The following AIRIM variants were observed in gnomAD, a reference collection of about 807,000 sequenced individuals.
AIRIM encodes AFG2 interacting ribosome maturation factor.
the AIRIM span, among the ~76,000 whole-genome samples, chr1:37,686,692 C>A: frequency 6.6e-6 from 1 of 152,104 alleles, no homozygotes; most frequent in African/African-American, 2.4e-5. Context: ...TGCCAAATGT[C>A]CCCTCATAGA....
chr1:37,689,936 C>A, the AIRIM span: 3 of 1,493,338 alleles, frequency 2.0e-6, no homozygotes, highest in South Asian at 4.0e-5. Context: ...CCAAGTCAGT[C>A]GGGGAGGCAC....
the AIRIM span, chr1:37,686,321 G>A: frequency 6.2e-7 from 1 of 1,613,950 alleles, no homozygotes; most frequent in Non-Finnish European, 8.5e-7. Context: ...CAACATGTCA[G>A]CCACAGAGGG....
At chr1:37,686,598 C>T in the AIRIM span, 7 of 757,518 alleles carry the variant, frequency 9.2e-6, 1 homozygote, top group East Asian at 1.1e-4. Context: ...TAGGAGCATG[C>T]CTGGCCCCTA....
At chr1:37,683,891 A>T in the AIRIM span, 1 of 163,570 alleles carries the variant, frequency 6.1e-6, no homozygotes, top group Non-Finnish European at 1.3e-5. Flanking sequence ...CATGGAGAGC[A>T]GTCAGAAAGG....
the AIRIM span, chr1:37,683,827 C>A: frequency 4.2e-5 from 7 of 166,966 alleles, no homozygotes; most frequent in Non-Finnish European, 9.0e-5. Flanking sequence ...GGTGGAGATG[C>A]ATAGAATGAA....
chr1:37,685,670 G>C, the AIRIM span, among the ~76,000 whole-genome samples: 1 of 152,262 alleles, frequency 6.6e-6, no homozygotes, highest in Non-Finnish European at 1.5e-5. Flanking sequence ...TTACAGGTGT[G>C]AGCCACCACG....
the AIRIM span, chr1:37,689,810 T>C: frequency 6.2e-7 from 1 of 1,610,382 alleles, no homozygotes; most frequent in Non-Finnish European, 8.5e-7. Flanking sequence ...CAGGCCCTGC[T>C]GCTCCTCCAC....
the AIRIM span, chr1:37,690,402 G>A: frequency 3.2e-5 from 41 of 1,284,612 alleles, no homozygotes; most frequent in Non-Finnish European, 3.9e-5. Flanking sequence ...CTGACATACA[G>A]TCCTGTCTCC....
At chr1:37,692,225 G>GT in the AIRIM span, 1 of 197,938 alleles carries the variant, frequency 5.1e-6, no homozygotes, top group South Asian at 7.7e-5. Flanking sequence ...AGAGCTTGGG[G>GT]TATTGCAGAG....
chr1:37,690,777 T>G, the AIRIM span, among the ~76,000 whole-genome samples: 1 of 152,206 alleles, frequency 6.6e-6, no homozygotes, highest in Non-Finnish European at 1.5e-5. Context: ...TGGAGTCTTT[T>G]CCTCTTATCT....
chr1:37,682,457 T>C, the AIRIM span: 1 of 152,526 alleles, frequency 6.6e-6, no homozygotes, highest in Non-Finnish European at 1.5e-5. Flanking sequence ...CTCCTGTCAT[T>C]TTAGGAGTCT....
chr1:37,683,106 A>C, the AIRIM span: 2 of 1,610,886 alleles, frequency 1.2e-6, no homozygotes, highest in Non-Finnish European at 8.5e-7. Flanking sequence ...CGTGGTCTCC[A>C]GATACGCATA....
the AIRIM span, chr1:37,683,369 G>A: frequency 6.2e-7 from 1 of 1,613,974 alleles, no homozygotes. Context: ...CCAGGCCTTG[G>A]GCAAAGCTTG....
At chr1:37,686,574 C>T in the AIRIM span, 1 of 958,542 alleles carries the variant, frequency 1.0e-6, no homozygotes, top group Non-Finnish European at 1.5e-6. Flanking sequence ...CTGCCCTGTA[C>T]ATTGTAGGAC....
At chr1:37,691,635 C>T in the AIRIM span, 1 of 153,790 alleles carries the variant, frequency 6.5e-6, no homozygotes, top group East Asian at 1.9e-4. Context: ...GACAGGACCG[C>T]GGCTCGGCGG....
the AIRIM span, chr1:37,689,773 C>T: frequency 6.2e-7 from 1 of 1,613,428 alleles, no homozygotes; most frequent in Non-Finnish European, 8.5e-7. Context: ...ACAGGAGGGG[C>T]TGGCAGTCCC....
At chr1:37,687,059 AGTGTGTGTGTGTGTGTGTGTGTGT>A in the AIRIM span, among the ~76,000 whole-genome samples, 8 of 141,402 alleles carry the variant, frequency 5.7e-5, no homozygotes, top group Middle Eastern at 3.7e-3. Flanking sequence ...CCGTCTCAAA[AGTGTGTGTGTGTGTGTGTGTGTGT>A]GTGTGTGTGT....
At chr1:37,685,181 A>C in the AIRIM span, among the ~76,000 whole-genome samples, 1 of 104,150 alleles carries the variant, frequency 9.6e-6, no homozygotes, top group African/African-American at 4.0e-5. Context: ...TGTCACTCGA[A>C]TGCTTTTTTT....
the AIRIM span, chr1:37,686,439 T>G: frequency 6.2e-7 from 1 of 1,613,294 alleles, no homozygotes; most frequent in Non-Finnish European, 8.5e-7. Context: ...TCTCGCACCT[T>G]GAGGAGGATG....
Sources: allele counts gnomAD v4.1 joint callset (sites outside exome capture counted in the v4.1 genomes callset), GRCh38; gene constraint gnomAD v4.1.1; transcripts MANE v1.5; gene names NCBI Gene and HGNC (gene_info 2026-07-23, HGNC 2026-07-21).